The following EOGT variants were observed in gnomAD, a reference collection of about 807,000 sequenced individuals.
EOGT encodes the protein EGF domain-specific O-linked N-acetylglucosamine transferase.
In EOGT, 55 loss-of-function variants were observed where a neutral mutation model predicts 70.5. That is an observed-to-expected ratio of 0.78 (90% CI 0.63 to 0.98). The LOEUF is 0.98. Among genes scored for constraint, EOGT ranks in the 50% least tolerant of loss-of-function variants. The pLI is 0.00. For synonymous variants in EOGT, 246 were observed against 217.1 expected (o/e 1.13, Z -1.17); for missense variants, 703 against 641.9 (o/e 1.10, Z -1.03).
rs1443348798 is a variant in EOGT, at chr3:68,977,670, T to C, written c.1532A>G (p.His511Arg). Residue 511 changes from histidine to arginine, a missense_variant, in exon 18 of 18, where the codon CAC becomes CGC. Physicochemically the swap from His to Arg is conservative, Grantham distance 29. Coordinates refer to ENST00000383701, the MANE Select transcript of EOGT (RefSeq NM_001278689.2). Reference protein sequence around the residue: ...FMYLVLQAADHVLQHPKWPFK... With the variant: ...FMYLVLQAADRVLQHPKWPFK... ...TGGCCACTTTGGGTGTTGCAATACG[T>C]GGTCTGCAGCCTGAAGGACAAGATA... is the stretch of plus-strand genomic sequence containing the variant. 1 of 1,614,016 alleles carries C rather than the reference T, an allele frequency of 6.2e-7. No individual in the cohort carries two copies. Among genetic ancestry groups the C allele is most frequent in the South Asian group, 1.1e-5 (1 of 91,032 alleles).
chr3:68,997,960 A>G lies in EOGT; in HGVS notation c.831+51T>C, dbSNP rs560687220. ...CTGTTTCACAACATCAGAGTCACACACTGATACAAGGGAAAGACAGTACTG... is the reference window on the plus strand; with the variant it reads ...CTGTTTCACAACATCAGAGTCACACGCTGATACAAGGGAAAGACAGTACTG... On this transcript the variant is annotated intron_variant, in intron 10 of 17. Coordinates refer to ENST00000383701, the MANE Select transcript of EOGT (RefSeq NM_001278689.2). The G allele has an allele frequency of 3.8e-6, 4 of 1,061,942 alleles. No homozygotes were observed. The East Asian group carries it at 1.0e-4, about 26-fold the overall frequency. The allele number at this position is 1,061,942 out of a possible 1,614,324, so 65.8% of individuals were successfully genotyped here.
At chr3:68,990,734 A>T (rs772899100) in intron 10 of EOGT, among the ~76,000 whole-genome samples, 7 of 152,188 alleles carry the variant, frequency 4.6e-5, no homozygotes, top group Non-Finnish European at 7.3e-5. Flanking sequence ...TAGATTGAAA[A>T]ATTCAGCCAA....
chr3:68,994,760 G>A (rs1048999183), intron 10 of EOGT, among the ~76,000 whole-genome samples: 1 of 152,106 alleles, frequency 6.6e-6, no homozygotes, highest in Non-Finnish European at 1.5e-5. Flanking sequence ...CACTGCACTT[G>A]AGCCTGGGTG....
At chr3:68,996,072 T>C (rs2091139256) in intron 10 of EOGT, among the ~76,000 whole-genome samples, 1 of 152,152 alleles carries the variant, frequency 6.6e-6, no homozygotes, top group African/African-American at 2.4e-5. Context: ...CTGACTTCAC[T>C]GATACAAAAA....
Position 69,008,548 on chromosome 3 carries a change from T to C in EOGT, c.211-20A>G, listed in dbSNP as rs1412266018. On this transcript the variant is annotated intron_variant, in intron 4 of 17. Coordinates refer to ENST00000383701, the MANE Select transcript of EOGT (RefSeq NM_001278689.2). ...GTGTTTCTAGAACATAAAACTTACA[T>C]TGATTTCCCTTCTTCTGACATTTAG... 1.9e-6 allele frequency: 3 copies of C among 1,544,730 alleles called. No individual in the cohort carries two copies. The highest frequency in any genetic ancestry group is 1.7e-4 in the Middle Eastern group (1 of 5,924).
At chr3:69,011,742 AG>A (rs2091584334) in intron 3 of EOGT, among the ~76,000 whole-genome samples, 193 bp downstream of exon 3, 1 of 151,922 alleles carries the variant, frequency 6.6e-6, no homozygotes, top group South Asian at 2.1e-4. Context: ...CCCCCCTTGG[AG>A]TAGTTAAGTA....
chr3:68,976,298 G>T lies in EOGT; in HGVS notation c.*1320C>A, dbSNP rs1280137021. 6.6e-6 allele frequency: 1 copy of T among 152,146 alleles called. No homozygotes were observed. The highest frequency in any genetic ancestry group is 2.4e-5 in the African/African-American group (1 of 41,426). 9.4% of individuals were successfully genotyped at this position (152,146 alleles called of 1,614,324 possible). A position where few individuals can be genotyped will look rare whatever the true frequency, so the allele number is the denominator to read the frequency against. On this transcript the variant is annotated 3_prime_UTR_variant, in exon 18 of 18. Transcript: ENST00000383701. ...CTGGAATACTTTCATGCTGACAGAGGTAGACGCACACGCACTGGTATATGC... is the reference window on the plus strand; with the variant it reads ...CTGGAATACTTTCATGCTGACAGAGTTAGACGCACACGCACTGGTATATGC...
chr3:68,981,022 T>C (rs1343227146), intron 15 of EOGT, among the ~76,000 whole-genome samples: 3 of 152,194 alleles, frequency 2.0e-5, no homozygotes, highest in Non-Finnish European at 4.4e-5. Flanking sequence ...TTGGGACTGA[T>C]GTGGGGGCCC....
intron 16 of EOGT, among the ~76,000 whole-genome samples, chr3:68,978,702 T>A (rs568521678): frequency 6.6e-6 from 1 of 152,350 alleles, no homozygotes; most frequent in South Asian, 2.1e-4. Flanking sequence ...GGACTTGGCA[T>A]GACCTTATAA....
intron 2 of EOGT, 38 bp downstream of exon 2, chr3:69,012,477 A>T (rs539789040): frequency 6.6e-6 from 1 of 152,426 alleles, no homozygotes; most frequent in Admixed American, 6.5e-5. Flanking sequence ...ATCCAAGTCC[A>T]TTGTCCTCCA....
At chr3:68,977,861 T>A in intron 17 of EOGT, 97 bp from the exon 18 acceptor site, 1 of 1,282,680 alleles carries the variant, frequency 7.8e-7, no homozygotes, top group Non-Finnish European at 1.1e-6. Context: ...GGCAACTAAT[T>A]TATGTTCTAC....
chr3:69,005,061 CAAAA>C (rs11320020), intron 7 of EOGT, 75 bp downstream of exon 7: 1,063 of 661,768 alleles, frequency 1.6e-3, no homozygotes, highest in South Asian at 2.1e-3. Context: ...GACCCTGTCT[CAAAA>C]AAAAAAAAAA....
chr3:69,004,887 G>A (rs567820205), intron 7 of EOGT, among the ~76,000 whole-genome samples: 92 of 152,104 alleles, frequency 6.0e-4, no homozygotes, highest in Middle Eastern at 6.8e-3. Flanking sequence ...AACGTTAGAA[G>A]ACCCCATCTC....
At chr3:68,994,192 A>G (rs1249016734) in intron 10 of EOGT, among the ~76,000 whole-genome samples, 1 of 152,214 alleles carries the variant, frequency 6.6e-6, no homozygotes, top group Non-Finnish European at 1.5e-5. Context: ...TATATGGAAA[A>G]GAATAGCCAG....
chr3:68,998,821 A>T (rs2091223486), intron 9 of EOGT, among the ~76,000 whole-genome samples: 3 of 136,994 alleles, frequency 2.2e-5, no homozygotes, highest in Admixed American at 1.6e-4. Flanking sequence ...TGAGCAACAG[A>T]GTGAGACTCT....
chr3:68,990,348 C>CTTT (rs56046605), intron 10 of EOGT, among the ~76,000 whole-genome samples: 294 of 107,860 alleles, frequency 2.7e-3, no homozygotes, highest in Non-Finnish European at 3.8e-3. Context: ...TTACCACATG[C>CTTT]TTTTTTTTTT....
At chr3:69,006,479 G>T (rs532938426) in intron 6 of EOGT, among the ~76,000 whole-genome samples, 7 of 152,304 alleles carry the variant, frequency 4.6e-5, no homozygotes, top group Admixed American at 4.6e-4. Context: ...GAGACTCAGG[G>T]TTCAGGATCA....
intron 17 of EOGT, 94 bp downstream of exon 17, chr3:68,978,239 G>T: frequency 1.1e-6 from 1 of 870,928 alleles, no homozygotes; most frequent in Non-Finnish European, 1.9e-6. Context: ...TATCTTTGCA[G>T]CACTGAAGTT....
chr3:69,001,819 G>T (rs951030299), intron 8 of EOGT, 105 bp from the exon 9 acceptor site: 6 of 735,940 alleles, frequency 8.2e-6, no homozygotes, highest in Non-Finnish European at 1.4e-5. Context: ...ACCTCTAAAT[G>T]GTACAGACAC....
Sources: gnomAD v4.1 joint callset for allele counts (sites outside exome capture counted in the v4.1 genomes callset) on GRCh38, gnomAD v4.1.1 for gene constraint, MANE v1.5 for transcripts, NCBI Gene and HGNC (gene_info 2026-07-23, HGNC 2026-07-21) for gene names.